Variants in TTC6 observed in about 807,000 individuals in gnomAD.
The protein encoded by TTC6 is tetratricopeptide repeat protein 6.
Under a neutral mutation model 210.4 loss-of-function variants are expected in TTC6, and 172 were observed. The observed-to-expected ratio is 0.82, with a 90% CI of 0.72 to 0.93. The LOEUF (loss-of-function observed/expected upper bound fraction) is 0.93. Ranked by LOEUF, TTC6 falls within the 40% of genes least tolerant of loss-of-function variation. The pLI, the probability that TTC6 is intolerant of heterozygous loss-of-function variation, is 0.00. For missense variants in TTC6, 2,414 were observed against 2,318.1 expected, an observed-to-expected ratio of 1.04 and a Z score of -0.85; for synonymous variants, 804 against 819.6, an observed-to-expected ratio of 0.98 and a Z score of 0.32.
intron 29 of TTC6, among the ~76,000 whole-genome samples, chr14:37,834,462 T>C (rs2096193225): frequency 6.6e-6 from 1 of 152,198 alleles, no homozygotes; most frequent in Non-Finnish European, 1.5e-5. Context: ...CTTAGTCTAT[T>C]GTTGAATGTC....
At chr14:37,840,343 A>G (rs1208280731) in intron 29 of TTC6, among the ~76,000 whole-genome samples, 1 of 152,202 alleles carries the variant, frequency 6.6e-6, no homozygotes, top group Non-Finnish European at 1.5e-5. Flanking sequence ...TTGAGGCAGT[A>G]ATTAATAGCC....
chr14:37,831,625 T>C (rs904869361), intron 29 of TTC6, among the ~76,000 whole-genome samples: 2 of 147,414 alleles, frequency 1.4e-5, no homozygotes, highest in Non-Finnish European at 3.0e-5. Flanking sequence ...ATTTTTTTTT[T>C]CTGGAACAAT....
At chr14:37,714,521 T>G in intron 5 of TTC6, 134 bp from the exon 8 acceptor site, 1 of 588,570 alleles carries the variant, frequency 1.7e-6, no homozygotes, top group African/African-American at 1.9e-5. Flanking sequence ...TTATCTGACT[T>G]CTACACAATC....
chr14:37,730,783 GATA>G (rs1421285874), intron 7 of TTC6, among the ~76,000 whole-genome samples: 3 of 152,128 alleles, frequency 2.0e-5, no homozygotes, highest in African/African-American at 7.2e-5. Context: ...CAGTCATGTT[GATA>G]ATAAGTATTC....
At chr14:37,805,446 CACACACAA>C (rs1229862396) in intron 21 of TTC6, among the ~76,000 whole-genome samples, 2 of 131,784 alleles carry the variant, frequency 1.5e-5, no homozygotes, top group Middle Eastern at 4.2e-3. Context: ...CACACACACA[CACACACAA>C]ACACACACAC....
chr14:37,671,994 A>G (rs2095759213), intron 1 of TTC6, among the ~76,000 whole-genome samples: 1 of 152,144 alleles, frequency 6.6e-6, no homozygotes, highest in Non-Finnish European at 1.5e-5. Context: ...GTGTCAGTTA[A>G]ATCTCTTTAC....
chr14:37,665,199 A>G (rs2095745430), intron 1 of TTC6, among the ~76,000 whole-genome samples: 1 of 150,524 alleles, frequency 6.6e-6, no homozygotes, highest in Non-Finnish European at 1.5e-5. Flanking sequence ...ACATGCATGC[A>G]AATGTTCATT....
At chr14:37,621,528 G>C (rs532562622), upstream of TTC6, among the ~76,000 whole-genome samples, 3 of 152,304 alleles carry the variant, frequency 2.0e-5, no homozygotes, top group South Asian at 6.2e-4. Flanking sequence ...AGGATCGCTT[G>C]AGCCCAGGAG....
chr14:37,596,663 GTGTC>G (rs1305299318), intron 1 of TTC6, among the ~76,000 whole-genome samples: 13 of 152,222 alleles, frequency 8.5e-5, no homozygotes, highest in Admixed American at 8.5e-4. Context: ...GTGTTTCTGA[GTGTC>G]TGTGACCATG....
rs1191463406 is a variant in TTC6 at position 37,791,605 on chromosome 14, A to G, written c.3558-659A>G. ...TCTTTTGGACATTTTTGAGCCAGAAAGAAAAAGAAAAGAGTGTCAGTTTCA... is the reference window on the plus strand; with the variant it reads ...TCTTTTGGACATTTTTGAGCCAGAAGGAAAAAGAAAAGAGTGTCAGTTTCA... On this transcript the variant is annotated intron_variant, in intron 16 of 30. Coordinates refer to ENST00000553443, the Ensembl canonical transcript of TTC6. Among the ~76,000 whole-genome samples, 8 of 152,278 alleles carry G rather than the reference A, an allele frequency of 5.3e-5. 1 individual carries two copies. In the South Asian group the frequency reaches 1.4e-3, roughly 28 times the overall value.
intron 20 of TTC6, among the ~76,000 whole-genome samples, chr14:37,797,466 A>G (rs2096095355): frequency 6.6e-6 from 1 of 151,954 alleles, no homozygotes; most frequent in Non-Finnish European, 1.5e-5. Flanking sequence ...TTTCTGTTCT[A>G]TCAATTTGCT....
chr14:37,677,158 C>G (rs993293154), intron 1 of TTC6, among the ~76,000 whole-genome samples: 1 of 151,894 alleles, frequency 6.6e-6, no homozygotes, highest in African/African-American at 2.4e-5. Flanking sequence ...GGGAGTCTTG[C>G]CATCTTAACA....
At chr14:37,768,209 T>C (rs1437147402) in intron 14 of TTC6, among the ~76,000 whole-genome samples, 2 of 151,202 alleles carry the variant, frequency 1.3e-5, no homozygotes, top group Non-Finnish European at 3.0e-5. Context: ...TGTAGCCTTG[T>C]AGTATAGTTT....
chr14:37,696,673 A>C, intron 3 of TTC6, 44 bp from the exon 6 acceptor site: 1 of 954,590 alleles, frequency 1.0e-6, no homozygotes, highest in Non-Finnish European at 1.5e-6. Context: ...TCTAACTCTC[A>C]TGTTACATCT....
At chr14:37,841,353 TG>T in intron 29 of TTC6, 91 bp from the exon 32 acceptor site, 1 of 1,057,590 alleles carries the variant, frequency 9.5e-7, no homozygotes, top group Non-Finnish European at 1.4e-6. Context: ...GGTATGCCAC[TG>T]GCCTTAATTT....
chr14:37,622,858 A>G (rs1275747369), exon 1 of TTC6: 9 of 1,534,536 alleles, frequency 5.9e-6, no homozygotes, highest in Non-Finnish European at 7.9e-6. Context: ...GCCGCCTGGC[A>G]GGCGCTGCTG....
chr14:37,679,186 C>G (rs1019593528), intron 1 of TTC6, among the ~76,000 whole-genome samples: 3 of 152,022 alleles, frequency 2.0e-5, no homozygotes, highest in Admixed American at 6.6e-5. Flanking sequence ...TGCACCACTG[C>G]ATTCCAGCAT....
intron 14 of TTC6, among the ~76,000 whole-genome samples, chr14:37,772,192 C>T (rs957188610): frequency 3.3e-5 from 5 of 152,148 alleles, no homozygotes; most frequent in African/African-American, 1.2e-4. Context: ...CTGGGAGAAC[C>T]ACTGCTCTCT....
exon 13 of TTC6, chr14:37,751,201 A>G (rs1392679932): frequency 6.6e-7 from 1 of 1,525,974 alleles, no homozygotes; most frequent in East Asian, 2.5e-5. Flanking sequence ...CAAACAAAGT[A>G]CTGGCCATTG....
Sources: gnomAD v4.1 joint callset for allele counts (sites outside exome capture counted in the v4.1 genomes callset) on GRCh38, gnomAD v4.1.1 for gene constraint, MANE v1.5 for transcripts, NCBI Gene and HGNC (gene_info 2026-07-23, HGNC 2026-07-21) for gene names.